Variants in DOCK1 observed in about 807,000 individuals in gnomAD.
DOCK1 encodes the protein dedicator of cytokinesis protein 1.
DOCK1 carries 138 observed loss-of-function variants against 262.7 expected under a neutral mutation model. The observed-to-expected ratio is 0.53, with a 90% confidence interval of 0.46 to 0.61. The LOEUF (loss-of-function observed/expected upper bound fraction) is 0.61. Among genes scored for constraint, DOCK1 ranks in the 20% least tolerant of loss-of-function variants. The pLI is 0.00. For synonymous variants in DOCK1, 866 were observed against 867.4 expected (o/e 1.00, Z 0.03); for missense variants, 1,908 against 2,370.7 (o/e 0.80, Z 4.05).
chr10:126,955,469 C>T (rs956126932), intron 1 of DOCK1, among the ~76,000 whole-genome samples: 1 of 152,270 alleles, frequency 6.6e-6, no homozygotes, highest in African/African-American at 2.4e-5. Context: ...TGCCTTGGGC[C>T]GTGAACATTT....
intron 27 of DOCK1, among the ~76,000 whole-genome samples, chr10:127,133,342 A>G (rs1293519169): frequency 6.6e-6 from 1 of 152,254 alleles, no homozygotes; most frequent in Non-Finnish European, 1.5e-5. Flanking sequence ...GAGTTTAAGT[A>G]TGAATGTGTT....
chr10:127,364,460 G>A lies in DOCK1; in HGVS notation c.3432+2248G>A, dbSNP rs533217284. Among the ~76,000 whole-genome samples, 73 of 152,192 alleles carry A rather than the reference G, an allele frequency of 4.8e-4. 1 individual carries two copies. The highest frequency in any genetic ancestry group is 1.6e-3 in the African/African-American group (66 of 41,514). On this transcript the variant is annotated intron_variant, in intron 33 of 51. Coordinates refer to ENST00000623213, the MANE Select transcript of DOCK1 (RefSeq NM_001290223.2). ...CAGCTCACTACAGCCTCCACATCCC[G>A]GGTTCAAGTGATTCTCCTGCCTCAG...
At chr10:126,920,463 A>C (rs2033068149) in intron 1 of DOCK1, among the ~76,000 whole-genome samples, 1 of 152,180 alleles carries the variant, frequency 6.6e-6, no homozygotes, top group African/African-American at 2.4e-5. Flanking sequence ...GGCTCCCCAG[A>C]GCTTTCGGGT....
At chr10:126,977,493 G>A (rs970736488) in intron 2 of DOCK1, among the ~76,000 whole-genome samples, 3 of 152,148 alleles carry the variant, frequency 2.0e-5, no homozygotes, top group African/African-American at 7.2e-5. Context: ...TCTTGAAGTG[G>A]GAGGAAGTTC....
At chr10:127,059,337 A>G (rs2045382419) in intron 22 of DOCK1, among the ~76,000 whole-genome samples, 1 of 152,040 alleles carries the variant, frequency 6.6e-6, no homozygotes, top group South Asian at 2.1e-4. Flanking sequence ...TTTGATTGAT[A>G]TCTTTGATCA....
chr10:127,193,078 C>T (rs1436536296), intron 27 of DOCK1, among the ~76,000 whole-genome samples: 4 of 151,966 alleles, frequency 2.6e-5, no homozygotes, highest in African/African-American at 4.8e-5. Context: ...TTGAAGTCAC[C>T]CCATAATGTT....
intron 25 of DOCK1, among the ~76,000 whole-genome samples, chr10:127,120,380 A>T (rs921781906): frequency 2.0e-5 from 3 of 152,268 alleles, no homozygotes; most frequent in African/African-American, 7.2e-5. Context: ...TGAGCCGTGT[A>T]TGTAATTAAA....
chr10:127,119,237 T>C (rs893319419), intron 25 of DOCK1, among the ~76,000 whole-genome samples: 5 of 152,146 alleles, frequency 3.3e-5, no homozygotes, highest in African/African-American at 1.2e-4. Flanking sequence ...TTAGTAGAGA[T>C]GGGGTTTCAC....
At chr10:126,922,318 A>G (rs765227036) in intron 1 of DOCK1, among the ~76,000 whole-genome samples, 4 of 151,940 alleles carry the variant, frequency 2.6e-5, no homozygotes, top group Non-Finnish European at 4.4e-5. Flanking sequence ...GGCATCCGGA[A>G]ACTTCCAATC....
intron 4 of DOCK1, among the ~76,000 whole-genome samples, chr10:126,987,009 A>G (rs758926419): frequency 3.3e-5 from 5 of 152,196 alleles, no homozygotes; most frequent in Non-Finnish European, 7.3e-5. Context: ...AGATAGAGTA[A>G]CCATGGACAT....
At chr10:127,219,340 T>A (rs138912038) in intron 27 of DOCK1, among the ~76,000 whole-genome samples, 1 of 152,314 alleles carries the variant, frequency 6.6e-6, no homozygotes, top group African/African-American at 2.4e-5. Context: ...TGGCTATTTC[T>A]GAGTTACTTA....
At chr10:127,254,557 G>A (rs1432824758) in intron 28 of DOCK1, among the ~76,000 whole-genome samples, 13 of 152,192 alleles carry the variant, frequency 8.5e-5, no homozygotes, top group Non-Finnish European at 1.8e-4. Context: ...TTCAAAGCTG[G>A]TAACTTCCAG....
chr10:127,294,019 C>T (rs1004192966), intron 29 of DOCK1, among the ~76,000 whole-genome samples: 3 of 152,126 alleles, frequency 2.0e-5, no homozygotes, highest in Non-Finnish European at 2.9e-5. Context: ...CGGAGCACAC[C>T]GCGGATATGC....
At chr10:127,266,508 T>C (rs200845065) in intron 29 of DOCK1, among the ~76,000 whole-genome samples, 67 of 95,908 alleles carry the variant, frequency 7.0e-4, no homozygotes, top group East Asian at 9.8e-4. Context: ...CACACACACA[T>C]ATATATAGAC....
At chr10:127,244,021 T>C (rs2134730536) in intron 27 of DOCK1, among the ~76,000 whole-genome samples, 1 of 152,306 alleles carries the variant, frequency 6.6e-6, no homozygotes, top group African/African-American at 2.4e-5. Context: ...CTCATGCTAT[T>C]AAAATATTCC....
intron 29 of DOCK1, among the ~76,000 whole-genome samples, chr10:127,291,423 G>T (rs1393197312): frequency 6.6e-6 from 1 of 152,154 alleles, no homozygotes; most frequent in Non-Finnish European, 1.5e-5. Context: ...CTTCATTTGA[G>T]TTCCAGATGT....
chr10:127,303,146 C>G (rs1370864724), intron 29 of DOCK1, among the ~76,000 whole-genome samples: 2 of 152,078 alleles, frequency 1.3e-5, no homozygotes, highest in African/African-American at 2.4e-5. Flanking sequence ...AGTCTCAACT[C>G]GAAATACAGT....
At chr10:127,343,568 A>G (rs901694635) in intron 30 of DOCK1, 78 bp from the exon 31 acceptor site, 2 of 1,166,164 alleles carry the variant, frequency 1.7e-6, no homozygotes, top group Non-Finnish European at 2.5e-6. Flanking sequence ...TGAGCAAATG[A>G]TAAATGTCTG....
At chr10:127,001,685 C>T (rs2040605191) in intron 10 of DOCK1, 2 of 152,818 alleles carry the variant, frequency 1.3e-5, no homozygotes, top group South Asian at 2.1e-4. Flanking sequence ...GCAATAGCAG[C>T]GATATAGACA....
Sources: gnomAD v4.1 joint callset for allele counts (sites outside exome capture counted in the v4.1 genomes callset) on GRCh38, gnomAD v4.1.1 for gene constraint, MANE v1.5 for transcripts, NCBI Gene and HGNC (gene_info 2026-07-23, HGNC 2026-07-21) for gene names.